CSMD1: variants seen among roughly 807,000 people sequenced by gnomAD.
The protein encoded by CSMD1 is CUB and Sushi multiple domains 1, also known as CUB and sushi domain-containing protein 1.
A neutral mutation model predicts 417.5 loss-of-function variants in CSMD1; 213 were observed. The ratio of observed to expected loss-of-function variants is 0.51; its 90% CI spans 0.46 to 0.57. The LOEUF (loss-of-function observed/expected upper bound fraction) is 0.57. CSMD1 is among the 20% of genes least tolerant of loss of function. The pLI, the probability that CSMD1 is intolerant of heterozygous loss-of-function variation, is 0.00. For missense variants in CSMD1, 6,923 were observed against 4,529.7 expected (o/e 1.53, Z -15.17); for synonymous variants, 2,862 against 1,736.8 (o/e 1.65, Z -16.11).
chr8:4,453,742 A>T (rs996618489), intron 2 of CSMD1, among the ~76,000 whole-genome samples: 1 of 149,668 alleles, frequency 6.7e-6, no homozygotes, highest in African/African-American at 2.5e-5. Context: ...CCCAAACGTA[A>T]TTCCGGGTCC....
intron 42 of CSMD1, among the ~76,000 whole-genome samples, chr8:3,112,543 T>C (rs866167570): frequency 2.0e-5 from 3 of 152,224 alleles, no homozygotes; most frequent in Non-Finnish European, 4.4e-5. Flanking sequence ...TCAGTGATTC[T>C]TGCCATGATT....
At chr8:3,605,410 G>C (rs1801565313) in intron 8 of CSMD1, among the ~76,000 whole-genome samples, 2 of 152,134 alleles carry the variant, frequency 1.3e-5, no homozygotes, top group Non-Finnish European at 2.9e-5. Flanking sequence ...CGCTGGAGTT[G>C]ACCTACAATG....
chr8:4,672,646 T>C lies in CSMD1; in HGVS notation c.86-35088A>G, dbSNP rs1298240990. 4.0e-5 allele frequency among the ~76,000 whole-genome samples: 6 copies of C among 151,750 alleles called. No homozygotes were observed. In the East Asian group the frequency reaches 1.2e-3, roughly 30 times the overall value. On this transcript the variant is annotated intron_variant, in intron 1 of 69. Transcript: ENST00000635120. ...TTAAAAAGAATAAAATAACAAATAA[T>C]GCCAGGTGCTTGAAAAAGTTTTGGG... is the stretch of plus-strand genomic sequence containing the variant.
chr8:3,695,429 C>T (rs988652775), intron 7 of CSMD1, among the ~76,000 whole-genome samples: 2 of 152,000 alleles, frequency 1.3e-5, no homozygotes, highest in Non-Finnish European at 1.5e-5. Flanking sequence ...CCAATTAATC[C>T]TCTTGGTAGA....
At chr8:3,488,806 C>G (rs1818205242) in intron 11 of CSMD1, among the ~76,000 whole-genome samples, 1 of 152,156 alleles carries the variant, frequency 6.6e-6, no homozygotes, top group Non-Finnish European at 1.5e-5. Flanking sequence ...CATTCAGGCT[C>G]AAAGGCAGTG....
chr8:3,986,965 G>C (rs996392008), intron 5 of CSMD1, among the ~76,000 whole-genome samples: 4 of 152,056 alleles, frequency 2.6e-5, no homozygotes, highest in African/African-American at 4.8e-5. Context: ...ATGCAGTTCA[G>C]GCTGTTCTTG....
chr8:4,228,851 T>C lies in CSMD1; in HGVS notation c.415+191102A>G, dbSNP rs1049496883. On this transcript the variant is annotated intron_variant, in intron 3 of 69. Coordinates refer to ENST00000635120, the MANE Select transcript of CSMD1 (RefSeq NM_033225.6). Reference sequence around the variant, plus strand: ...TGTGCACCACTGTGCCCAGCTAATTTTTGTATTTTTAGTAGAGACCGGCTT... The same window carrying C: ...TGTGCACCACTGTGCCCAGCTAATTCTTGTATTTTTAGTAGAGACCGGCTT... Among the ~76,000 whole-genome samples the C allele has an allele frequency of 2.0e-5, 3 of 152,040 alleles. No homozygotes were observed. The East Asian group carries it at 5.8e-4, about 30-fold the overall frequency.
intron 48 of CSMD1, among the ~76,000 whole-genome samples, chr8:3,089,056 G>T (rs1814740322): frequency 6.6e-6 from 1 of 152,090 alleles, no homozygotes; most frequent in East Asian, 1.9e-4. Flanking sequence ...ACTCACTTAG[G>T]ATAAGACATG....
intron 3 of CSMD1, among the ~76,000 whole-genome samples, chr8:4,046,793 C>T (rs949979702): frequency 1.3e-5 from 2 of 152,138 alleles, no homozygotes; most frequent in Non-Finnish European, 1.5e-5. Flanking sequence ...GCCTGGGGAG[C>T]AAGTGAACTA....
At chr8:3,814,268 A>C (rs1305356095) in intron 5 of CSMD1, among the ~76,000 whole-genome samples, 1 of 152,130 alleles carries the variant, frequency 6.6e-6, no homozygotes, top group Non-Finnish European at 1.5e-5. Flanking sequence ...CTTAGTTCTG[A>C]AATTCTGTAT....
chr8:4,971,002 T>C (rs182563790), intron 1 of CSMD1, among the ~76,000 whole-genome samples: 1 of 152,108 alleles, frequency 6.6e-6, no homozygotes, highest in African/African-American at 2.4e-5. Flanking sequence ...TGGTCCTTTG[T>C]AGAGAAAAAT....
At chr8:4,368,066 G>C (rs1019937406) in intron 3 of CSMD1, among the ~76,000 whole-genome samples, 1 of 152,134 alleles carries the variant, frequency 6.6e-6, no homozygotes, top group Non-Finnish European at 1.5e-5. Flanking sequence ...AGTGGTCAAA[G>C]TGCGCATCCT....
intron 41 of CSMD1, among the ~76,000 whole-genome samples, chr8:3,139,545 T>A (rs1818307610): frequency 6.6e-6 from 1 of 152,104 alleles, no homozygotes; most frequent in Non-Finnish European, 1.5e-5. Context: ...GAAGACCCCA[T>A]CATGTTAGAC....
chr8:4,373,365 TTTA>T (rs1365507695), intron 3 of CSMD1, among the ~76,000 whole-genome samples: 2 of 152,182 alleles, frequency 1.3e-5, no homozygotes, highest in African/African-American at 4.8e-5. Flanking sequence ...TCACTGTTGG[TTTA>T]TTAACTGCAA....
At chr8:4,049,593 T>G (rs1798317710) in intron 3 of CSMD1, among the ~76,000 whole-genome samples, 1 of 152,122 alleles carries the variant, frequency 6.6e-6, no homozygotes, top group Admixed American at 6.5e-5. Context: ...CTCTGTCTTT[T>G]TTATTTAGGG....
chr8:3,872,289 C>G (rs1314734306), intron 5 of CSMD1, among the ~76,000 whole-genome samples: 1 of 152,128 alleles, frequency 6.6e-6, no homozygotes, highest in Admixed American at 6.6e-5. Context: ...GGTTTGGGGT[C>G]ACCCTGTAAG....
intron 36 of CSMD1, among the ~76,000 whole-genome samples, chr8:3,185,060 G>C (rs1821657726): frequency 6.6e-6 from 1 of 152,114 alleles, no homozygotes; most frequent in Non-Finnish European, 1.5e-5. Flanking sequence ...AGGTACTCTA[G>C]GGAACTATCA....
intron 3 of CSMD1, among the ~76,000 whole-genome samples, chr8:4,090,807 A>T (rs1187055385): frequency 1.3e-5 from 2 of 152,196 alleles, no homozygotes; most frequent in Non-Finnish European, 2.9e-5. Flanking sequence ...TAAAGAACAT[A>T]TATTCTTTAA....
Position 4,758,195 on chromosome 8 carries a change from T to G in CSMD1, c.86-120637A>C, listed in dbSNP as rs561438775. ...TGCATTTCCTTCTGATAACAAGAGT[T>G]ACCTGGCTCTGATGCTGTTCCTGTC... is the stretch of plus-strand genomic sequence containing the variant. On this transcript the variant is annotated intron_variant, in intron 1 of 69. Transcript: ENST00000635120. Among the ~76,000 whole-genome samples the G allele has an allele frequency of 1.1e-4, 17 of 152,242 alleles. No individual in the cohort carries two copies. The East Asian group carries it at 3.1e-3, about 28-fold the overall frequency.
Sources: allele counts gnomAD v4.1 joint callset (sites outside exome capture counted in the v4.1 genomes callset), GRCh38; gene constraint gnomAD v4.1.1; transcripts MANE v1.5; gene names NCBI Gene and HGNC (gene_info 2026-07-23, HGNC 2026-07-21).